QDPR: variants seen among roughly 807,000 people sequenced by gnomAD.
QDPR encodes dihydropteridine reductase.
QDPR carries 23 observed loss-of-function variants against 31.7 expected under a neutral mutation model. That is an observed-to-expected ratio of 0.73 (90% CI 0.52 to 1.03). The LOEUF (loss-of-function observed/expected upper bound fraction) is 1.03, where lower values mean the gene tolerates loss of function less well. Ranked by LOEUF, QDPR falls within the 50% of genes least tolerant of loss-of-function variation. QDPR has a pLI of 0.00. For synonymous variants in QDPR, 124 were observed against 124.7 expected (o/e 0.99, Z 0.03); for missense variants, 324 against 323.8 (o/e 1.00, Z 0.00).
intron 1 of QDPR, chr4:17,509,873 C>T: frequency 2.3e-6 from 1 of 443,414 alleles, no homozygotes; most frequent in South Asian, 1.6e-5. Context: ...AACACAAACC[C>T]TGCACTTCTA....
At chr4:17,495,302 G>A (rs774690221) in intron 4 of QDPR, among the ~76,000 whole-genome samples, 2 of 152,100 alleles carry the variant, frequency 1.3e-5, no homozygotes, top group Non-Finnish European at 2.9e-5. Flanking sequence ...GCCTGCTCCC[G>A]GGCATCAAAA....
Position 17,487,351 on chromosome 4 carries a change from G to C in QDPR, c.630-115C>G, listed in dbSNP as rs1186836340. 4 of 804,936 alleles carry C rather than the reference G, an allele frequency of 5.0e-6. No homozygotes were observed. The Admixed American group carries it at 8.0e-5, about 16-fold the overall frequency. 49.9% of individuals were successfully genotyped at this position (804,936 alleles called of 1,614,324 possible). A position where few individuals can be genotyped will look rare whatever the true frequency, so the allele number is the denominator to read the frequency against. On this transcript the variant is annotated intron_variant, in intron 6 of 6. Transcript: ENST00000281243. ...GGGAAGGGGTGGCACAGCAGCGACT[G>C]TTTAAAAGCCACTAAGGGCTGGGCG...
intron 2 of QDPR, 118 bp downstream of exon 2, chr4:17,509,153 G>C: frequency 1.2e-6 from 1 of 839,916 alleles, no homozygotes; most frequent in Non-Finnish European, 2.0e-6. Flanking sequence ...GCAAGACTCC[G>C]TCTCGGGGAA....
rs1387317158 is a variant in QDPR, at chr4:17,509,373, GA to G, written c.106-11del. 1.2e-6 allele frequency: 2 copies of G among 1,611,464 alleles called. No homozygotes were observed. The highest frequency in any genetic ancestry group is 2.2e-5 in the East Asian group (1 of 44,846). ...CAACGCTGGCAACCCACTGGAAGGA[GA>G]AAACAGCTTTGGTTAAGAGGCAGTG... On this transcript the variant is annotated splice_polypyrimidine_tract_variant and intron_variant, in intron 1 of 6. Coordinates refer to ENST00000281243, the MANE Select transcript of QDPR (RefSeq NM_000320.3).
chr4:17,509,395 C>G, intron 1 of QDPR, 32 bp from the exon 2 acceptor site: 1 of 1,577,252 alleles, frequency 6.3e-7, no homozygotes, highest in Non-Finnish European at 8.7e-7. Flanking sequence ...GGTTAAGAGG[C>G]AGTGAGTTGT....
chr4:17,496,001 A>G (rs1376958522), intron 4 of QDPR, among the ~76,000 whole-genome samples: 3 of 151,760 alleles, frequency 2.0e-5, no homozygotes, highest in Non-Finnish European at 4.4e-5. Flanking sequence ...ACAGAGCCAG[A>G]CCATATCTCC....
intron 2 of QDPR, among the ~76,000 whole-genome samples, chr4:17,505,635 T>C (rs1246812854): frequency 6.6e-6 from 1 of 152,336 alleles, no homozygotes; most frequent in Non-Finnish European, 1.5e-5. Flanking sequence ...AAGGATCACT[T>C]GAGCCCAGGA....
intron 1 of QDPR, among the ~76,000 whole-genome samples, chr4:17,511,613 C>G (rs1180888219): frequency 6.6e-6 from 1 of 152,148 alleles, no homozygotes; most frequent in Admixed American, 6.5e-5. Context: ...CTGTCTCATT[C>G]TAGAGCCTTC....
intron 4 of QDPR, among the ~76,000 whole-genome samples, chr4:17,497,243 T>G (rs1157803767): frequency 6.6e-6 from 1 of 152,178 alleles, no homozygotes; most frequent in Non-Finnish European, 1.5e-5. Context: ...ATGTGAATTT[T>G]TACTACATGC....
intron 2 of QDPR, among the ~76,000 whole-genome samples, chr4:17,508,518 G>C (rs548254521): frequency 6.6e-6 from 1 of 151,738 alleles, no homozygotes; most frequent in African/African-American, 2.4e-5. Context: ...CAAAAATCCT[G>C]CAAAAAACTC....
chr4:17,490,827 G>T (rs1241007932), intron 5 of QDPR, 82 bp from the exon 6 acceptor site: 2 of 1,054,162 alleles, frequency 1.9e-6, no homozygotes, highest in Non-Finnish European at 1.5e-6. Flanking sequence ...CCAGGAAAAC[G>T]CAAACATACA....
At chr4:17,495,074 A>G (rs1017342205) in intron 4 of QDPR, among the ~76,000 whole-genome samples, 6 of 151,718 alleles carry the variant, frequency 4.0e-5, no homozygotes, top group Non-Finnish European at 8.8e-5. Context: ...TGCTTCTCCC[A>G]CTCTCCCAGC....
intron 1 of QDPR, 30 bp from the exon 2 acceptor site, chr4:17,509,393 G>C: frequency 6.3e-7 from 1 of 1,581,936 alleles, no homozygotes; most frequent in Admixed American, 1.7e-5. Flanking sequence ...TTGGTTAAGA[G>C]GCAGTGAGTT....
chr4:17,501,181 ACT>A (rs1718548795), intron 4 of QDPR, among the ~76,000 whole-genome samples: 1 of 151,428 alleles, frequency 6.6e-6, no homozygotes, highest in Non-Finnish European at 1.5e-5. Context: ...CAACCCTCTC[ACT>A]CTCTTTTTGT....
intron 6 of QDPR, among the ~76,000 whole-genome samples, chr4:17,489,205 A>G (rs1718072948): frequency 6.6e-6 from 1 of 152,186 alleles, no homozygotes. Flanking sequence ...GACATCTCAA[A>G]GCAAACTTTA....
intron 3 of QDPR, among the ~76,000 whole-genome samples, chr4:17,502,494 G>T (rs1718606951): frequency 6.6e-6 from 1 of 152,138 alleles, no homozygotes; most frequent in Non-Finnish European, 1.5e-5. Flanking sequence ...GATATAGGAG[G>T]GGTTGGTAGG....
At chr4:17,488,462 GACTATT>G (rs1718048074) in intron 6 of QDPR, among the ~76,000 whole-genome samples, 1 of 151,902 alleles carries the variant, frequency 6.6e-6, no homozygotes, top group Non-Finnish European at 1.5e-5. Flanking sequence ...GAAAAAAACA[GACTATT>G]ACAATAAAAT....
chr4:17,490,595 T>C, intron 6 of QDPR, 67 bp downstream of exon 6: 1 of 1,357,626 alleles, frequency 7.4e-7, no homozygotes, highest in Non-Finnish European at 1.1e-6. Flanking sequence ...ACTTGTCCTC[T>C]GGACCACAGC....
intron 4 of QDPR, among the ~76,000 whole-genome samples, chr4:17,493,263 G>T (rs905844586): frequency 2.0e-5 from 3 of 152,140 alleles, no homozygotes; most frequent in Non-Finnish European, 4.4e-5. Flanking sequence ...GGGCAACGTA[G>T]TGGGACCCCA....
Sources: gnomAD v4.1 joint callset for allele counts (sites outside exome capture counted in the v4.1 genomes callset) on GRCh38, gnomAD v4.1.1 for gene constraint, MANE v1.5 for transcripts, NCBI Gene and HGNC (gene_info 2026-07-23, HGNC 2026-07-21) for gene names.